The following TBC1D14 variants were observed in gnomAD, a reference collection of about 807,000 sequenced individuals.
TBC1D14 encodes the protein TBC1 domain family member 14.
A neutral mutation model predicts 79.0 loss-of-function variants in TBC1D14; 26 were observed. The ratio of observed to expected loss-of-function variants is 0.33; its 90% CI spans 0.24 to 0.46. TBC1D14 has a LOEUF of 0.46. TBC1D14 is among the 20% of genes least tolerant of loss of function. TBC1D14 has a pLI of 1.00. For missense variants in TBC1D14, 769 were observed against 887.6 expected (o/e 0.87, Z 1.70); for synonymous variants, 394 against 349.9 (o/e 1.13, Z -1.40).
intron 12 of TBC1D14, among the ~76,000 whole-genome samples, chr4:7,017,450 G>C (rs921720786): frequency 2.0e-5 from 3 of 152,204 alleles, no homozygotes; most frequent in Non-Finnish European, 2.9e-5. Flanking sequence ...CCTTTCTAAG[G>C]GGGTTTGTGT....
At chr4:6,927,023 G>A (rs1291463114) in intron 2 of TBC1D14, among the ~76,000 whole-genome samples, 3 of 152,192 alleles carry the variant, frequency 2.0e-5, no homozygotes, top group African/African-American at 7.2e-5. Context: ...TCGGAGGGAA[G>A]GGTGGAGACG....
chr4:6,986,445 G>C (rs778695234), intron 3 of TBC1D14, among the ~76,000 whole-genome samples: 3 of 152,214 alleles, frequency 2.0e-5, no homozygotes, highest in Non-Finnish European at 4.4e-5. Context: ...CTAAGTCTTT[G>C]CTATCACTTG....
intron 3 of TBC1D14, among the ~76,000 whole-genome samples, chr4:6,990,407 C>G (rs1560316144): frequency 6.6e-6 from 1 of 152,210 alleles, no homozygotes; most frequent in East Asian, 1.9e-4. Flanking sequence ...CAAGGTTGCA[C>G]CACTGCACTT....
At chr4:6,968,742 C>T (rs943441902) in intron 3 of TBC1D14, among the ~76,000 whole-genome samples, 2 of 152,202 alleles carry the variant, frequency 1.3e-5, no homozygotes, top group Non-Finnish European at 2.9e-5. Context: ...CTGTGCGCTG[C>T]ACCCGGTAGC....
intron 2 of TBC1D14, chr4:6,954,290 T>A (rs1179886867): frequency 1.4e-6 from 1 of 717,280 alleles, no homozygotes; most frequent in South Asian, 1.5e-5. Context: ...AGCTGCGAGG[T>A]CACAGTAGAC....
At chr4:6,939,305 T>G (rs1712664094) in intron 2 of TBC1D14, among the ~76,000 whole-genome samples, 1 of 151,926 alleles carries the variant, frequency 6.6e-6, no homozygotes, top group African/African-American at 2.4e-5. Context: ...GCTGCATAAA[T>G]GAGAAGAATC....
intron 3 of TBC1D14, among the ~76,000 whole-genome samples, chr4:6,988,851 A>T (rs1312266375): frequency 1.4e-5 from 2 of 147,202 alleles, no homozygotes; most frequent in African/African-American, 5.0e-5. Flanking sequence ...TCTTTCTACC[A>T]GGAGTACTTT....
chr4:6,997,785 A>G lies in TBC1D14; in HGVS notation c.1046-1300A>G, dbSNP rs78680365. Among the ~76,000 whole-genome samples, 492 of 152,320 alleles carry G rather than the reference A, an allele frequency of 3.2e-3. 1 individual carries two copies. Among genetic ancestry groups the G allele is most frequent in the African/African-American group, 0.011 (463 of 41,572 alleles). The stretch of plus-strand genomic sequence containing the variant: ...TCAATCAAAACAGGACAAATAATGT[A>G]TGGTCCACTTCTATGAGGTCCCTAA... On this transcript the variant is annotated intron_variant, in intron 5 of 13. Coordinates refer to ENST00000409757, the MANE Select transcript of TBC1D14 (RefSeq NM_020773.3).
intron 2 of TBC1D14, among the ~76,000 whole-genome samples, chr4:6,928,902 A>G (rs904121195): frequency 5.9e-5 from 9 of 152,184 alleles, no homozygotes; most frequent in Non-Finnish European, 1.3e-4. Context: ...CAGCATGTTA[A>G]TGTCTAGTCT....
chr4:6,937,435 A>G (rs11724542), intron 2 of TBC1D14, among the ~76,000 whole-genome samples: 1 of 152,088 alleles, frequency 6.6e-6, no homozygotes, highest in African/African-American at 2.4e-5. Flanking sequence ...TCATTTCCTA[A>G]TACTGTCAAC....
intron 13 of TBC1D14, among the ~76,000 whole-genome samples, chr4:7,028,763 G>A (rs1722736524): frequency 6.6e-6 from 1 of 151,988 alleles, no homozygotes; most frequent in African/African-American, 2.4e-5. Context: ...GGTCTCATGG[G>A]ACTTGTGGTC....
At chr4:6,978,052 C>G (rs1188353983) in intron 3 of TBC1D14, among the ~76,000 whole-genome samples, 1 of 150,078 alleles carries the variant, frequency 6.7e-6, no homozygotes, top group Non-Finnish European at 1.5e-5. Context: ...CGGCAGCCAC[C>G]CCGTCTGGGA....
chr4:7,010,660 G>A lies in TBC1D14; in HGVS notation c.1526G>A (p.Gly509Asp). ...CYRPDVGYVQ[G>D]MSFIAAVLIL... ...CTTTCTCTCCTCTCTCAGGTCCAGGGCATGTCCTTCATAGCAGCAGTGTTG... is the reference window on the plus strand; with the variant it reads ...CTTTCTCTCCTCTCTCAGGTCCAGGACATGTCCTTCATAGCAGCAGTGTTG... Residue 509 changes from glycine to aspartate, a missense_variant, in exon 11 of 14, where the codon GGC becomes GAC. Gly to Asp is a moderately conservative substitution (Grantham distance 94, BLOSUM62 -1). Coordinates refer to ENST00000409757, the MANE Select transcript of TBC1D14 (RefSeq NM_020773.3). 1 of 1,613,560 alleles carries A rather than the reference G, an allele frequency of 6.2e-7. No homozygotes were observed. Among genetic ancestry groups the A allele is most frequent in the South Asian group, 1.1e-5 (1 of 90,992 alleles).
In TBC1D14 at chr4:7,025,098, A is replaced by T. The variant is rs1722218058; in HGVS notation, c.1852A>T (p.Thr618Ser). ...CRDGEEFLFRTALGILKLFED... is the reference protein window; with the variant it reads ...CRDGEEFLFRSALGILKLFED... ...CGATGGGGAAGAGTTCCTGTTCCGC[A>T]CGGCCCTGGGCATCCTGAAGCTGTT... Residue 618 changes from threonine (T) to serine (S), a missense_variant, in exon 13 of 14, where the codon ACG becomes TCG. By Grantham distance (58) the Thr-to-Ser change is moderately conservative (BLOSUM62 1). Transcript: ENST00000409757. The T allele has an allele frequency of 6.2e-7, 1 of 1,614,032 alleles. No homozygotes were observed. The highest frequency in any genetic ancestry group is 1.3e-5 in the African/African-American group (1 of 74,904).
intron 2 of TBC1D14, among the ~76,000 whole-genome samples, chr4:6,937,890 G>T (rs1241727758): frequency 2.6e-5 from 4 of 152,136 alleles, no homozygotes; most frequent in Non-Finnish European, 5.9e-5. Context: ...CACACAGCCG[G>T]CTGGGAGTGG....
intron 5 of TBC1D14, chr4:6,998,864 A>G (rs1719358956): frequency 9.9e-6 from 5 of 507,576 alleles, no homozygotes; most frequent in South Asian, 8.7e-5. Context: ...TTCTTTGTGT[A>G]CTTTCCTGTC....
At chr4:6,971,964 A>G (rs1254984868) in intron 3 of TBC1D14, among the ~76,000 whole-genome samples, 2 of 152,244 alleles carry the variant, frequency 1.3e-5, no homozygotes, top group African/African-American at 2.4e-5. Context: ...TATTGTGGAT[A>G]AAGATGGGAG....
chr4:6,978,466 T>G (rs555190409), intron 3 of TBC1D14, among the ~76,000 whole-genome samples: 1 of 149,894 alleles, frequency 6.7e-6, no homozygotes, highest in Non-Finnish European at 1.5e-5. Context: ...CTCTGAAACA[T>G]GTGCTGTGTC....
intron 4 of TBC1D14, 141 bp downstream of exon 4, chr4:6,994,443 CAT>C (rs1718805954): frequency 1.4e-6 from 1 of 721,028 alleles, no homozygotes; most frequent in East Asian, 2.5e-5. Flanking sequence ...TCTATATTAA[CAT>C]GTGTTCTGTA....
Sources: gnomAD v4.1 joint callset for allele counts (sites outside exome capture counted in the v4.1 genomes callset) on GRCh38, gnomAD v4.1.1 for gene constraint, MANE v1.5 for transcripts, NCBI Gene and HGNC (gene_info 2026-07-23, HGNC 2026-07-21) for gene names.